Variants in SPIDR observed in about 807,000 individuals in gnomAD.
The protein encoded by SPIDR is scaffold protein involved in DNA repair.
In SPIDR, 93 loss-of-function variants were observed where a neutral mutation model predicts 104.6. The observed-to-expected ratio is 0.89, with a 90% CI of 0.75 to 1.06. The LOEUF is 1.06. SPIDR is among the 50% of genes least tolerant of loss of function. The probability of loss-of-function intolerance (pLI) is 0.00; values close to 1 mark genes in which losing one functional copy is unlikely to be tolerated. For synonymous variants in SPIDR, 431 were observed against 416.9 expected, an observed-to-expected ratio of 1.03 and a Z score of -0.41; for missense variants, 1,154 against 1,111.2, an observed-to-expected ratio of 1.04 and a Z score of -0.55.
At chr8:47,445,053 A>C (rs1262801538) in intron 8 of SPIDR, among the ~76,000 whole-genome samples, 1 of 152,154 alleles carries the variant, frequency 6.6e-6, no homozygotes, top group East Asian at 1.9e-4. Context: ...TTGTTAAGTC[A>C]TCTGTAAACC....
At chr8:47,490,799 G>C (rs58913580) in intron 8 of SPIDR, among the ~76,000 whole-genome samples, 1 of 152,084 alleles carries the variant, frequency 6.6e-6, no homozygotes. Context: ...TGGAAAATGA[G>C]AACACTTGGA....
At chr8:47,305,022 C>G (rs891446287) in intron 5 of SPIDR, among the ~76,000 whole-genome samples, 6 of 152,224 alleles carry the variant, frequency 3.9e-5, no homozygotes, top group Admixed American at 3.9e-4. Context: ...CAGGAGCCAG[C>G]ACCTTGATAT....
In SPIDR at chr8:47,404,898, T is replaced by A. The variant is rs2062499478; in HGVS notation, c.777-2963T>A. Among the ~76,000 whole-genome samples the A allele has an allele frequency of 2.6e-5, 4 of 152,104 alleles. No homozygotes were observed. The South Asian group carries it at 8.3e-4, about 32-fold the overall frequency. The stretch of plus-strand genomic sequence containing the variant: ...AAATCATGCTGCTATAAAGACACAT[T>A]GACACGTATGTTTATTGTGGCACTA... On this transcript the variant is annotated intron_variant, in intron 6 of 19. Transcript: ENST00000297423.
chr8:47,522,378 C>CT (rs1275578571), intron 8 of SPIDR, among the ~76,000 whole-genome samples: 1 of 152,118 alleles, frequency 6.6e-6, no homozygotes, highest in African/African-American at 2.4e-5. Context: ...CCCATGGTGT[C>CT]TTTCCCTAAA....
intron 5 of SPIDR, among the ~76,000 whole-genome samples, chr8:47,296,038 A>T (rs1261322745): frequency 6.6e-6 from 1 of 152,112 alleles, no homozygotes; most frequent in Non-Finnish European, 1.5e-5. Context: ...GTGAGTGGTG[A>T]TGATGAGCAT....
At chr8:47,574,558 C>G (rs760323256) in intron 8 of SPIDR, among the ~76,000 whole-genome samples, 1 of 151,900 alleles carries the variant, frequency 6.6e-6, no homozygotes, top group African/African-American at 2.4e-5. Flanking sequence ...AGGAGCAAGA[C>G]CAGCCAGGCC....
chr8:47,260,996 G>T lies in SPIDR; in HGVS notation c.33+5G>T. ...AGCCGCGCTCGGGGCTCTAAGGTAG[G>T]CTCTGGGGCGGGAGTGGGCGCCGCG... On this transcript the variant is annotated splice_donor_5th_base_variant and intron_variant, in intron 1 of 19. Coordinates refer to ENST00000297423, the MANE Select transcript of SPIDR (RefSeq NM_001080394.4). The T allele has an allele frequency of 8.1e-7, 1 of 1,228,524 alleles. No homozygotes were observed. The highest frequency in any genetic ancestry group is 3.2e-5 in the East Asian group (1 of 31,416). 76.1% of individuals were successfully genotyped at this position (1,228,524 alleles called of 1,614,324 possible). A position where few individuals can be genotyped will look rare whatever the true frequency, so the allele number is the denominator to read the frequency against.
chr8:47,319,333 C>G (rs1308154511), intron 5 of SPIDR, among the ~76,000 whole-genome samples: 1 of 152,046 alleles, frequency 6.6e-6, no homozygotes, highest in African/African-American at 2.4e-5. Context: ...CAACAAAGAT[C>G]AAAAGAGACA....
Position 47,275,909 on chromosome 8 carries a change from T to C in SPIDR, c.34-3953T>C, listed in dbSNP as rs941460759. Reference sequence around the variant, plus strand: ...CTTATTTCTGTTGCCCCAGCTGGAGTGCAGTGGTGCGATCACAGCTCACTG... The same window carrying C: ...CTTATTTCTGTTGCCCCAGCTGGAGCGCAGTGGTGCGATCACAGCTCACTG... On this transcript the variant is annotated intron_variant, in intron 1 of 19. Coordinates refer to ENST00000297423, the MANE Select transcript of SPIDR (RefSeq NM_001080394.4). Among the ~76,000 whole-genome samples, 18 of 152,320 alleles carry C rather than the reference T, an allele frequency of 1.2e-4. No homozygotes were observed. In the South Asian group the frequency reaches 3.7e-3, roughly 32 times the overall value.
At chr8:47,591,795 TAAAG>T (rs2061040945) in intron 8 of SPIDR, among the ~76,000 whole-genome samples, 1 of 149,462 alleles carries the variant, frequency 6.7e-6, no homozygotes, top group African/African-American at 2.5e-5. Flanking sequence ...AAAAATAAAA[TAAAG>T]AAAAACACGC....
At chr8:47,513,994 C>G (rs760960164) in intron 8 of SPIDR, among the ~76,000 whole-genome samples, 39 of 152,230 alleles carry the variant, frequency 2.6e-4, no homozygotes, top group South Asian at 1.2e-3. Flanking sequence ...ACCATGGGTT[C>G]TATAATGTGA....
At chr8:47,477,295 G>A (rs1423523649) in intron 8 of SPIDR, among the ~76,000 whole-genome samples, 1 of 152,102 alleles carries the variant, frequency 6.6e-6, no homozygotes, top group Non-Finnish European at 1.5e-5. Flanking sequence ...TGCCTCCAGG[G>A]TCCAAGCAGT....
At chr8:47,273,671 G>A (rs978431567) in intron 1 of SPIDR, among the ~76,000 whole-genome samples, 56 of 150,446 alleles carry the variant, frequency 3.7e-4, no homozygotes, top group Admixed American at 1.1e-3. Context: ...TTGACTTACC[G>A]CAGCTTTGAC....
At position 47,615,444 on chromosome 8, in the gene SPIDR, T is replaced by C. The variant is rs564897245; in HGVS notation, c.1544+16248T>C. On this transcript the variant is annotated intron_variant, in intron 10 of 19. Transcript: ENST00000297423. ...TTGCAATTCCCCCTTAATCTTAGGA[T>C]TGACATTTCTATTTCTGCGAAAATA... Among the ~76,000 whole-genome samples, 11 of 151,090 alleles carry C rather than the reference T, an allele frequency of 7.3e-5. No individual in the cohort carries two copies. The South Asian group carries it at 1.9e-3, about 26-fold the overall frequency.
At position 47,545,290 on chromosome 8, in the gene SPIDR, G is replaced by A. The variant is rs534635674; in HGVS notation, c.1098-50521G>A. ...TCACTATATTGGCCAGGCTGGTTTC[G>A]AATTCCTGACCTAAGTGATTCGCCC... On this transcript the variant is annotated intron_variant, in intron 8 of 19. Coordinates refer to ENST00000297423, the MANE Select transcript of SPIDR (RefSeq NM_001080394.4). Among the ~76,000 whole-genome samples the A allele has an allele frequency of 5.9e-5, 9 of 151,716 alleles. No individual in the cohort carries two copies. In the East Asian group the frequency reaches 9.7e-4, roughly 16 times the overall value.
intron 5 of SPIDR, among the ~76,000 whole-genome samples, chr8:47,305,419 A>G (rs2042934418): frequency 6.6e-6 from 1 of 152,204 alleles, no homozygotes; most frequent in African/African-American, 2.4e-5. Flanking sequence ...GTGGCTTTCA[A>G]ATTTGAAATA....
At chr8:47,658,068 A>G (rs1002009706) in intron 10 of SPIDR, among the ~76,000 whole-genome samples, 7 of 150,884 alleles carry the variant, frequency 4.6e-5, no homozygotes, top group African/African-American at 1.2e-4. Context: ...AAAAGAAAAA[A>G]AAAGGCAAAA....
intron 3 of SPIDR, among the ~76,000 whole-genome samples, chr8:47,288,723 T>C (rs1481307140): frequency 2.0e-5 from 3 of 152,378 alleles, no homozygotes; most frequent in Non-Finnish European, 2.9e-5. Context: ...TTATTTTTCC[T>C]TTTATAACGT....
At chr8:47,696,298 T>C (rs911795083) in intron 11 of SPIDR, among the ~76,000 whole-genome samples, 15 of 152,254 alleles carry the variant, frequency 9.9e-5, no homozygotes, top group African/African-American at 3.6e-4. Context: ...TTCCAAAATA[T>C]GTTACCAACA....
Sources: allele counts gnomAD v4.1 joint callset (sites outside exome capture counted in the v4.1 genomes callset), GRCh38; gene constraint gnomAD v4.1.1; transcripts MANE v1.5; gene names NCBI Gene and HGNC (gene_info 2026-07-23, HGNC 2026-07-21).